Variants in TUBGCP2 observed in about 807,000 individuals in gnomAD.
TUBGCP2 encodes gamma-tubulin complex component 2.
In TUBGCP2, 55 loss-of-function variants were observed where a neutral mutation model predicts 92.2. The ratio of observed to expected loss-of-function variants is 0.60; its 90% CI spans 0.48 to 0.75. The LOEUF is 0.75. TUBGCP2 is among the 30% of genes least tolerant of loss of function. The probability of loss-of-function intolerance (pLI) is 0.00; values close to 1 mark genes in which losing one functional copy is unlikely to be tolerated. For synonymous variants in TUBGCP2, 533 were observed against 505.2 expected (o/e 1.06, Z -0.74); for missense variants, 1,093 against 1,188.9 (o/e 0.92, Z 1.19).
chr10:133,290,170 C>CA (rs1232381242), intron 8 of TUBGCP2: 1 of 679,460 alleles, frequency 1.5e-6, no homozygotes, highest in African/African-American at 1.8e-5. Flanking sequence ...CACGGTGGCT[C>CA]ACGCCTGTAA....
chr10:133,297,971 T>C lies in TUBGCP2; in HGVS notation c.597A>G (p.Thr199=), dbSNP rs1293632413. 3.1e-6 allele frequency: 5 copies of C among 1,613,520 alleles called. No individual in the cohort carries two copies. The highest frequency in any genetic ancestry group is 4.2e-6 in the Non-Finnish European group (5 of 1,179,850). Residue 199 remains threonine, a synonymous_variant, in exon 5 of 18, where the codon ACA becomes ACG. Transcript: ENST00000252936. ...GDFLIGAGIS[T]DTALPIGTLP... is the part of the protein sequence containing the mutation. ...ACGTACCTATCGGCAAAGCGGTGTCTGTGCTGATGCCAGCACCAATCAGGA... is the reference window on the plus strand; with the variant it reads ...ACGTACCTATCGGCAAAGCGGTGTCCGTGCTGATGCCAGCACCAATCAGGA...
At chr10:133,311,514 A>G (rs894179093), upstream of TUBGCP2, 1 of 567,004 alleles carries the variant, frequency 1.8e-6, no homozygotes, top group South Asian at 2.3e-5. Context: ...TGCAGACTCT[A>G]TTATATAAAC....
upstream of TUBGCP2, chr10:133,311,675 G>C: frequency 6.5e-7 from 1 of 1,536,460 alleles, no homozygotes; most frequent in Non-Finnish European, 8.9e-7. Flanking sequence ...AGGGGCTGTG[G>C]GAGCCGTGCA....
chr10:133,284,661 G>A lies in TUBGCP2; in HGVS notation c.2024+424C>T, dbSNP rs141886812. Among the ~76,000 whole-genome samples, 317 of 152,290 alleles carry A rather than the reference G, an allele frequency of 2.1e-3. 1 individual carries two copies. Among genetic ancestry groups the A allele is most frequent in the African/African-American group, 7.1e-3 (295 of 41,560 alleles). ...CAGGCATGAGCCACTGCACCCGACT[G>A]GACAAATTCTTATGAAGCTCTGCCA... On this transcript the variant is annotated intron_variant, in intron 13 of 17. Transcript: ENST00000252936.
chr10:133,279,740 C>G lies in TUBGCP2; in HGVS notation c.*26G>C. Reference sequence around the variant, plus strand: ...TGCACCAGTCCCTGCTGACCCCACACCCTTCCTTCCTGTCACAGCCAGGGC... The same window carrying G: ...TGCACCAGTCCCTGCTGACCCCACAGCCTTCCTTCCTGTCACAGCCAGGGC... On this transcript the variant is annotated 3_prime_UTR_variant, in exon 18 of 18. Coordinates refer to ENST00000252936, the MANE Select transcript of TUBGCP2 (RefSeq NM_006659.4). 6.5e-7 allele frequency: 1 copy of G among 1,543,798 alleles called. No individual in the cohort carries two copies. Among genetic ancestry groups the G allele is most frequent in the East Asian group, 2.5e-5 (1 of 40,780 alleles).
intron 15 of TUBGCP2, 112 bp downstream of exon 15, chr10:133,282,966 C>A: frequency 7.0e-7 from 1 of 1,434,104 alleles, no homozygotes; most frequent in Non-Finnish European, 9.4e-7. Flanking sequence ...CCAGCGGCTC[C>A]TCCACGAACA....
At chr10:133,311,493 A>G (rs1235336596), upstream of TUBGCP2, 2 of 488,048 alleles carry the variant, frequency 4.1e-6, no homozygotes, top group African/African-American at 3.9e-5. Context: ...GTTACAGTTA[A>G]GTTTATAAGA....
At chr10:133,301,218 T>A (rs546720603) in intron 2 of TUBGCP2, among the ~76,000 whole-genome samples, 2 of 152,282 alleles carry the variant, frequency 1.3e-5, no homozygotes, top group East Asian at 3.9e-4. Flanking sequence ...AACCTCCACC[T>A]CCCTGGTTCA....
Position 133,293,689 on chromosome 10 carries a change from C to T in TUBGCP2, c.697G>A (p.Val233Ile), listed in dbSNP as rs374158021. The change falls in exon 6 of 18, where the codon GTC (valine) becomes ATC (isoleucine). Residue 233 changes from valine (V) to isoleucine (I), a missense_variant. Physicochemically the swap from Val to Ile is conservative, Grantham distance 29. Around this residue, in one of 3 missense-constraint regions of TUBGCP2, gnomAD observed 490 missense variants for 488.5 expected, o/e 1.00. Transcript: ENST00000252936. ...YVLVGVDGRY[V>I]SAQPLAGRQS... ...CTCCCAGCCAGGGGCTGAGCACTGA[C>T]GTACCTCCCGTCCACGCCCACCAGC... 11 of 1,603,484 alleles carry T rather than the reference C, an allele frequency of 6.9e-6. No homozygotes were observed. In the African/African-American group the frequency reaches 1.1e-4, roughly 16 times the overall value.
chr10:133,309,797 G>C (rs775119784), upstream of TUBGCP2: 2 of 1,613,328 alleles, frequency 1.2e-6, no homozygotes, highest in Non-Finnish European at 1.7e-6. Flanking sequence ...TTGCCTGCCA[G>C]GTGGCCGGCT....
chr10:133,290,322 G>A (rs755841386), intron 8 of TUBGCP2: 4 of 201,686 alleles, frequency 2.0e-5, no homozygotes, highest in South Asian at 9.5e-5. Context: ...GTGAAACCCC[G>A]TCTCTACTAA....
At chr10:133,287,907 G>C (rs967869728) in intron 11 of TUBGCP2, among the ~76,000 whole-genome samples, 1 of 152,212 alleles carries the variant, frequency 6.6e-6, no homozygotes, top group Non-Finnish European at 1.5e-5. Context: ...AGGCCCGGAC[G>C]AGGGCACTGC....
At chr10:133,296,809 T>G (rs1280025847) in intron 5 of TUBGCP2, among the ~76,000 whole-genome samples, 3 of 152,210 alleles carry the variant, frequency 2.0e-5, no homozygotes, top group Non-Finnish European at 4.4e-5. Flanking sequence ...TTCATTAACT[T>G]ACAGCATGGT....
Position 133,281,423 on chromosome 10 carries a change from T to C in TUBGCP2, c.2423A>G (p.His808Arg). 1.9e-6 allele frequency: 3 copies of C among 1,612,836 alleles called. No individual in the cohort carries two copies. The highest frequency in any genetic ancestry group is 2.5e-6 in the Non-Finnish European group (3 of 1,179,874). ...GGACACCAGCTGCACAGTGTCTGCG[T>C]GCTCAGCCAGGTGCTGGAAAGAAAG... Reference protein sequence around the residue: ...KELARKHLAEHADTVQLVSGF... With the variant: ...KELARKHLAERADTVQLVSGF... The change falls in exon 17 of 18, where the codon CAC becomes CGC. Residue 808 changes from histidine (H) to arginine (R), a missense_variant. Coordinates refer to ENST00000252936, the MANE Select transcript of TUBGCP2 (RefSeq NM_006659.4).
At position 133,293,196 on chromosome 10, in the gene TUBGCP2, G is replaced by A; in HGVS notation, c.867C>T (p.Asn289=). The A allele has an allele frequency of 6.2e-7, 1 of 1,613,856 alleles. No individual in the cohort carries two copies. The highest frequency in any genetic ancestry group is 8.5e-7 in the Non-Finnish European group (1 of 1,180,040). ...EKSSFEYGQV[N]HALAAAMRTL... ...TGCGCATGGCGGCCGCCAGGGCGTG[G>A]TTCACCTGCCCGTACTCGAAGGAAG... Residue 289 remains asparagine, a synonymous_variant, in exon 7 of 18, where the codon AAC becomes AAT. Coordinates refer to ENST00000252936, the MANE Select transcript of TUBGCP2 (RefSeq NM_006659.4).
At chr10:133,310,110 T>C (rs2136152138), upstream of TUBGCP2, 1 of 1,612,056 alleles carries the variant, frequency 6.2e-7, no homozygotes, top group East Asian at 2.2e-5. Context: ...TACGGGGGCA[T>C]GGCGGTGGGG....
chr10:133,288,880 C>G lies in TUBGCP2; in HGVS notation c.1501G>C (p.Asp501His). ...AFNYASKVLL[D>H]FLMEEKELVA... Reference sequence around the variant, plus strand: ...AGCTCCTTCTCCTCCATCAGGAAGTCCAGCAGCACCTTGCTGGCGTAGTTA... The same window carrying G: ...AGCTCCTTCTCCTCCATCAGGAAGTGCAGCAGCACCTTGCTGGCGTAGTTA... Residue 501 changes from aspartate to histidine, a missense_variant, in exon 10 of 18, where the codon GAC (aspartate) becomes CAC (histidine). Physicochemically the swap from Asp to His is moderately conservative, Grantham distance 81. Coordinates refer to ENST00000252936, the MANE Select transcript of TUBGCP2 (RefSeq NM_006659.4). 1.2e-6 allele frequency: 2 copies of G among 1,613,810 alleles called. No homozygotes were observed. Among genetic ancestry groups the G allele is most frequent in the Non-Finnish European group, 1.7e-6 (2 of 1,179,826 alleles).
intron 5 of TUBGCP2, among the ~76,000 whole-genome samples, chr10:133,297,027 CTT>C (rs1847503935): frequency 3.9e-5 from 6 of 152,212 alleles, no homozygotes; most frequent in Admixed American, 3.9e-4. Flanking sequence ...CATGCTGCCT[CTT>C]GAGTTTGGAC....
rs779129900 is a variant in TUBGCP2 at position 133,283,905 on chromosome 10, T to G, written c.2122A>C (p.Ile708Leu). 3 of 1,614,138 alleles carry G rather than the reference T, an allele frequency of 1.9e-6. No homozygotes were observed. In the East Asian group the frequency reaches 6.7e-5, roughly 36 times the overall value. Residue 708 changes from isoleucine to leucine, a missense_variant, in exon 14 of 18, where the codon ATC (isoleucine) becomes CTC (leucine). By Grantham distance (5) the Ile-to-Leu change is conservative. This residue lies in a region of TUBGCP2 where 598 missense variants were observed against 675.5 expected (regional missense o/e 0.89). Coordinates refer to ENST00000252936, the MANE Select transcript of TUBGCP2 (RefSeq NM_006659.4). ...ACGGATTTCAGGTTTTTCTCCAGGA[T>G]GTGCCAGGTCGGTTCCATCACTTCA... is the stretch of plus-strand genomic sequence containing the variant. ...MFEVMEPTWH[I>L]LEKNLKSASN...
Sources: gnomAD v4.1 joint callset for allele counts (sites outside exome capture counted in the v4.1 genomes callset) on GRCh38, gnomAD v4.1.1 for gene constraint, gnomAD v4.1.1 regional missense constraint, MANE v1.5 for transcripts, NCBI Gene and HGNC (gene_info 2026-07-23, HGNC 2026-07-21) for gene names.